Variants in KCNH1 observed in about 807,000 individuals in gnomAD.
KCNH1 encodes voltage-gated delayed rectifier potassium channel KCNH1.
KCNH1 carries 27 observed loss-of-function variants against 69.2 expected under a neutral mutation model. The observed-to-expected ratio is 0.39, with a 90% confidence interval of 0.29 to 0.54. The LOEUF is 0.54. Ranked by LOEUF, KCNH1 falls within the 20% of genes least tolerant of loss-of-function variation. The pLI is 0.68. For synonymous variants in KCNH1, 456 were observed against 487.7 expected (o/e 0.93, Z 0.86); for missense variants, 798 against 1,261.6 (o/e 0.63, Z 5.57).
intron 6 of KCNH1, among the ~76,000 whole-genome samples, 161 bp downstream of exon 6, chr1:211,018,622 A>C (rs1001901595): frequency 1.3e-5 from 2 of 152,222 alleles, no homozygotes; most frequent in Non-Finnish European, 2.9e-5. Flanking sequence ...AAACCGCCAA[A>C]GGATGGGAAC....
At chr1:210,902,156 C>G (rs182361655) in intron 7 of KCNH1, among the ~76,000 whole-genome samples, 1 of 152,290 alleles carries the variant, frequency 6.6e-6, no homozygotes, top group Admixed American at 6.5e-5. Flanking sequence ...CGCCCCTACC[C>G]GCAACCTTCC....
At chr1:210,892,309 GC>G (rs376680759) in intron 7 of KCNH1, among the ~76,000 whole-genome samples, 185 of 151,700 alleles carry the variant, frequency 1.2e-3, no homozygotes, top group Middle Eastern at 3.4e-3. Flanking sequence ...CATTGCTTTT[GC>G]CTATCAGTAC....
intron 10 of KCNH1, among the ~76,000 whole-genome samples, chr1:210,761,484 T>C (rs963315657): frequency 6.6e-6 from 1 of 152,052 alleles, no homozygotes; most frequent in Non-Finnish European, 1.5e-5. Flanking sequence ...ATCCTTTTGC[T>C]ATCTTCAAGA....
At chr1:210,832,034 G>A in intron 7 of KCNH1, among the ~76,000 whole-genome samples, 1 of 151,990 alleles carries the variant, frequency 6.6e-6, no homozygotes, top group East Asian at 1.9e-4. Context: ...ATATTGAATG[G>A]TTCAGATTTA....
intron 6 of KCNH1, among the ~76,000 whole-genome samples, chr1:210,970,462 C>A (rs1040876016): frequency 1.3e-5 from 2 of 152,038 alleles, no homozygotes; most frequent in African/African-American, 2.4e-5. Flanking sequence ...ATCCATGTCC[C>A]CGCAAAGGAC....
At chr1:210,798,831 T>G (rs911994852) in intron 8 of KCNH1, among the ~76,000 whole-genome samples, 7 of 152,282 alleles carry the variant, frequency 4.6e-5, no homozygotes, top group African/African-American at 1.7e-4. Flanking sequence ...GGACTGAATA[T>G]AGGGTGTTAT....
chr1:210,950,313 C>A (rs1688040185), intron 6 of KCNH1, among the ~76,000 whole-genome samples: 2 of 148,892 alleles, frequency 1.3e-5, no homozygotes, highest in Admixed American at 6.7e-5. Flanking sequence ...TGGTGCACTG[C>A]ACCCACTAAC....
chr1:211,128,337 A>G (rs1010577976), intron 1 of KCNH1, among the ~76,000 whole-genome samples: 3 of 152,094 alleles, frequency 2.0e-5, no homozygotes, highest in Non-Finnish European at 4.4e-5. Context: ...ACATGCAACA[A>G]CATAGAGGAA....
At chr1:210,811,975 C>T (rs73069573) in intron 7 of KCNH1, among the ~76,000 whole-genome samples, 18,905 of 152,098 alleles carry the variant, frequency 0.12, 1,224 homozygotes, top group Non-Finnish European at 0.15. Context: ...GACCTCACCT[C>T]CAAAGTAGAT....
chr1:210,778,140 T>A (rs140077040), intron 9 of KCNH1, among the ~76,000 whole-genome samples: 1,595 of 152,320 alleles, frequency 0.01, 13 homozygotes, highest in South Asian at 0.018. Flanking sequence ...AGCCTTCAGA[T>A]GACTATAGCC....
At chr1:210,805,327 C>T (rs527735088) in intron 7 of KCNH1, among the ~76,000 whole-genome samples, 1 of 152,254 alleles carries the variant, frequency 6.6e-6, no homozygotes, top group East Asian at 1.9e-4. Flanking sequence ...TAATAAACTG[C>T]ACATGCTTAA....
intron 6 of KCNH1, among the ~76,000 whole-genome samples, chr1:210,995,872 G>C (rs934569261): frequency 6.6e-6 from 1 of 152,182 alleles, no homozygotes. Flanking sequence ...TATAATCCAA[G>C]TGTAAGTAAT....
At chr1:210,870,233 C>G (rs923772235) in intron 7 of KCNH1, among the ~76,000 whole-genome samples, 1 of 152,054 alleles carries the variant, frequency 6.6e-6, no homozygotes, top group Non-Finnish European at 1.5e-5. Flanking sequence ...TCTCTTGTGT[C>G]TGGAAGTAGA....
intron 10 of KCNH1, among the ~76,000 whole-genome samples, chr1:210,714,448 A>AACTT (rs1682168799): frequency 1.3e-5 from 2 of 152,166 alleles, no homozygotes; most frequent in African/African-American, 4.8e-5. Flanking sequence ...TTCATCACGC[A>AACTT]ACTTTAGGCA....
At chr1:211,119,082 C>T (rs944609647) in intron 1 of KCNH1, among the ~76,000 whole-genome samples, 3 of 152,114 alleles carry the variant, frequency 2.0e-5, no homozygotes, top group Non-Finnish European at 2.9e-5. Flanking sequence ...AGTTTGAGGC[C>T]GGGCGCGGTG....
intron 7 of KCNH1, among the ~76,000 whole-genome samples, chr1:210,889,547 T>C (rs1048184764): frequency 1.3e-5 from 2 of 152,116 alleles, no homozygotes; most frequent in Admixed American, 6.6e-5. Flanking sequence ...GTTGGAAGTT[T>C]TTGCCAGGGC....
chr1:210,998,371 G>C (rs1288515854), intron 6 of KCNH1, among the ~76,000 whole-genome samples: 1 of 152,164 alleles, frequency 6.6e-6, no homozygotes, highest in African/African-American at 2.4e-5. Flanking sequence ...CCTAGTCTCT[G>C]ATAAAACAAA....
chr1:210,749,996 G>A (rs549942252), intron 10 of KCNH1, among the ~76,000 whole-genome samples: 10 of 152,226 alleles, frequency 6.6e-5, no homozygotes, highest in Non-Finnish European at 1.2e-4. Flanking sequence ...GCCCACCTCC[G>A]TCTCCCAAAG....
chr1:210,810,124 T>C (rs1684672635), intron 7 of KCNH1, among the ~76,000 whole-genome samples: 1 of 152,168 alleles, frequency 6.6e-6, no homozygotes, highest in Admixed American at 6.6e-5. Context: ...AAAGGATATA[T>C]GGGAACAAAG....
Sources: allele counts gnomAD v4.1 joint callset (sites outside exome capture counted in the v4.1 genomes callset), GRCh38; gene constraint gnomAD v4.1.1; transcripts MANE v1.5; gene names NCBI Gene and HGNC (gene_info 2026-07-23, HGNC 2026-07-21).